Variants in LUZP1 observed in about 807,000 individuals in gnomAD.
The protein encoded by LUZP1 is leucine zipper protein 1, also known as filamin mechanobinding actin cross-linking protein.
In LUZP1, 25 loss-of-function variants were observed where a neutral mutation model predicts 71.3. That is an observed-to-expected ratio of 0.35 (90% CI 0.26 to 0.49). The LOEUF (loss-of-function observed/expected upper bound fraction) is 0.49. LUZP1 is among the 20% of genes least tolerant of loss of function. The probability of loss-of-function intolerance (pLI) is 0.99; values close to 1 mark genes in which losing one functional copy is unlikely to be tolerated. For synonymous variants in LUZP1, 481 were observed against 506.4 expected, an observed-to-expected ratio of 0.95 and a Z score of 0.67; for missense variants, 1,142 against 1,300.8, an observed-to-expected ratio of 0.88 and a Z score of 1.88.
chr1:23,156,251 G>A (rs113624991), intron 2 of LUZP1, among the ~76,000 whole-genome samples: 69 of 152,208 alleles, frequency 4.5e-4, no homozygotes, highest in African/African-American at 1.6e-3. Context: ...ATGGTGGCAT[G>A]AGCCTGTAAT....
intron 2 of LUZP1, among the ~76,000 whole-genome samples, chr1:23,137,575 A>G (rs1644265071): frequency 6.6e-6 from 1 of 152,082 alleles, no homozygotes; most frequent in African/African-American, 2.4e-5. Context: ...CGGAAGGCAG[A>G]GGTTGCAATG....
At chr1:23,092,863 A>C in exon 4 of LUZP1, 1 of 1,613,670 alleles carries the variant, frequency 6.2e-7, no homozygotes, top group South Asian at 1.1e-5. Context: ...TGCTCCCTAG[A>C]CTTCTTCCCT....
chr1:23,151,712 T>C (rs961983027), intron 2 of LUZP1, among the ~76,000 whole-genome samples: 1 of 152,008 alleles, frequency 6.6e-6, no homozygotes, highest in Admixed American at 6.6e-5. Context: ...GCTTAAGAAA[T>C]GGTAGATAAT....
rs139322781 is a variant in LUZP1 at position 23,091,610 on chromosome 1, C to A, written c.2652G>T (p.Ser884=). The change falls in exon 4 of 5, where the codon TCG becomes TCT. Residue 884 remains serine, a synonymous_variant. Transcript: ENST00000302291. ...CATGGCTATTCCTCTCCACAGGATCCGATGGCTTGATTATAATGCTGCTCC... is the reference window on the plus strand; with the variant it reads ...CATGGCTATTCCTCTCCACAGGATCAGATGGCTTGATTATAATGCTGCTCC... 2.2e-5 allele frequency: 36 copies of A among 1,614,124 alleles called. No individual in the cohort carries two copies. In the African/African-American group the frequency reaches 3.7e-4, roughly 17 times the overall value.
At chr1:23,098,150 G>A (rs1643903339) in intron 3 of LUZP1, among the ~76,000 whole-genome samples, 1 of 152,224 alleles carries the variant, frequency 6.6e-6, no homozygotes, top group Non-Finnish European at 1.5e-5. Context: ...GAATTGGACT[G>A]AACCAGATCG....
intron 2 of LUZP1, among the ~76,000 whole-genome samples, chr1:23,126,370 T>G (rs1644171803): frequency 6.6e-6 from 1 of 152,098 alleles, no homozygotes; most frequent in Admixed American, 6.6e-5. Context: ...GTAATCCCAG[T>G]ACATTGGGAG....
At chr1:23,135,118 T>C (rs1011025603) in intron 2 of LUZP1, among the ~76,000 whole-genome samples, 64 of 152,320 alleles carry the variant, frequency 4.2e-4, no homozygotes, top group African/African-American at 1.5e-3. Context: ...AATTCTTTGT[T>C]TGGGGCTAAA....
At chr1:23,129,884 T>C (rs892039907) in intron 2 of LUZP1, among the ~76,000 whole-genome samples, 2 of 152,204 alleles carry the variant, frequency 1.3e-5, no homozygotes, top group Admixed American at 1.3e-4. Context: ...TTTCAAAGAA[T>C]ACATGTGCAC....
intron 2 of LUZP1, among the ~76,000 whole-genome samples, chr1:23,117,456 T>C (rs1569599938): frequency 3.9e-5 from 1 of 25,690 alleles, no homozygotes; most frequent in South Asian, 2.2e-3. Context: ...TTTTTTTTCC[T>C]CTCTCTCTCT....
chr1:23,118,396 T>A (rs1412269541), intron 2 of LUZP1, among the ~76,000 whole-genome samples: 1 of 151,882 alleles, frequency 6.6e-6, no homozygotes, highest in Admixed American at 6.6e-5. Context: ...AGACTCCATC[T>A]CAAAAAAAAA....
chr1:23,113,944 G>A (rs1644056821), intron 2 of LUZP1, among the ~76,000 whole-genome samples: 1 of 150,920 alleles, frequency 6.6e-6, no homozygotes, highest in African/African-American at 2.4e-5. Flanking sequence ...TCTCAGAAGA[G>A]AAACTGAAAA....
intron 2 of LUZP1, among the ~76,000 whole-genome samples, chr1:23,167,556 C>T (rs1471704048): frequency 6.6e-6 from 1 of 152,198 alleles, no homozygotes; most frequent in African/African-American, 2.4e-5. Context: ...CTCTCTTCCC[C>T]TCTCCCACCC....
exon 4 of LUZP1, chr1:23,092,522 T>C: frequency 6.2e-7 from 1 of 1,614,188 alleles, no homozygotes; most frequent in Non-Finnish European, 8.5e-7. Flanking sequence ...CCTTTTTGCC[T>C]TTAGAGAGCC....
At chr1:23,145,711 T>C (rs906222038) in intron 2 of LUZP1, among the ~76,000 whole-genome samples, 51 of 152,190 alleles carry the variant, frequency 3.4e-4, no homozygotes, top group African/African-American at 1.2e-3. Flanking sequence ...CCTCAGATGA[T>C]CCACCCGCCT....
chr1:23,133,905 G>GA (rs1644233869), intron 2 of LUZP1, among the ~76,000 whole-genome samples: 1 of 152,124 alleles, frequency 6.6e-6, no homozygotes, highest in African/African-American at 2.4e-5. Flanking sequence ...CTGAATCTAA[G>GA]TACAAGAAAA....
intron 2 of LUZP1, among the ~76,000 whole-genome samples, chr1:23,146,907 C>A (rs1005865365): frequency 1.3e-5 from 2 of 150,556 alleles, no homozygotes; most frequent in Non-Finnish European, 1.5e-5. Context: ...ACCATCCTGG[C>A]TAACATGGTG....
At chr1:23,155,348 C>T (rs987985593) in intron 2 of LUZP1, among the ~76,000 whole-genome samples, 2 of 152,150 alleles carry the variant, frequency 1.3e-5, no homozygotes, top group African/African-American at 4.8e-5. Context: ...ACTTACAGGG[C>T]AGTACACAGT....
rs370900179 is a variant in LUZP1 at position 23,091,248 on chromosome 1, C to A, written c.3014G>T (p.Arg1005Leu). 9.9e-6 allele frequency: 16 copies of A among 1,613,794 alleles called. No individual in the cohort carries two copies. The East Asian group carries it at 3.6e-4, about 36-fold the overall frequency. ...GATGGTGTCTCCTACCCGATTCCGACGGGTAAGCACCTCTGACACAGTGAG... is the reference window on the plus strand; with the variant it reads ...GATGGTGTCTCCTACCCGATTCCGAAGGGTAAGCACCTCTGACACAGTGAG... The change falls in exon 4 of 5, where the codon CGT becomes CTT. Residue 1005 changes from arginine (R) to leucine (L), a missense_variant. Transcript: ENST00000302291.
At chr1:23,177,872 G>C (rs1644592677), upstream of LUZP1, 1 of 152,406 alleles carries the variant, frequency 6.6e-6, no homozygotes, top group Non-Finnish European at 1.5e-5. Flanking sequence ...GAGGGCCGGG[G>C]AGGAGGGACG....
Sources: allele counts gnomAD v4.1 joint callset (sites outside exome capture counted in the v4.1 genomes callset), GRCh38; gene constraint gnomAD v4.1.1; transcripts MANE v1.5; gene names NCBI Gene and HGNC (gene_info 2026-07-23, HGNC 2026-07-21).